Variants in ANGPT1 observed in about 807,000 individuals in gnomAD.
The protein encoded by ANGPT1 is angiopoietin-1.
A neutral mutation model predicts 62.2 loss-of-function variants in ANGPT1; 17 were observed. The observed-to-expected ratio is 0.27, with a 90% CI of 0.19 to 0.41. The LOEUF is 0.41. ANGPT1 is among the 10% of genes least tolerant of loss of function. ANGPT1 has a pLI of 1.00. For synonymous variants in ANGPT1, 199 were observed against 198.9 expected (o/e 1.00, Z 0.00); for missense variants, 478 against 594.9 (o/e 0.80, Z 2.04).
chr8:107,373,967 G>C (rs1353874590), intron 1 of ANGPT1, among the ~76,000 whole-genome samples: 1 of 152,168 alleles, frequency 6.6e-6, no homozygotes, highest in East Asian at 1.9e-4. Flanking sequence ...TTTCTCCAGT[G>C]AAAGTCAGCT....
chr8:107,483,418 C>T (rs1563643529), intron 1 of ANGPT1, among the ~76,000 whole-genome samples: 1 of 152,008 alleles, frequency 6.6e-6, no homozygotes, highest in Non-Finnish European at 1.5e-5. Flanking sequence ...TTATTTGAAC[C>T]AAGGTCTCCT....
rs1312783177 is a variant in ANGPT1, at chr8:107,251,360, T to C, written c.*495A>G. 1 of 153,674 alleles carries C rather than the reference T, an allele frequency of 6.5e-6. No homozygotes were observed. The highest frequency in any genetic ancestry group is 2.4e-5 in the African/African-American group (1 of 41,466). The allele number at this position is 153,674 out of a possible 1,614,324, so 9.5% of individuals were successfully genotyped here. ...AGGACAATGCTGTTCTAAATTTTTATCAAAATTGTGCAACAGTATAATTTG... is the reference window on the plus strand; with the variant it reads ...AGGACAATGCTGTTCTAAATTTTTACCAAAATTGTGCAACAGTATAATTTG... On this transcript the variant is annotated 3_prime_UTR_variant, in exon 9 of 9. Transcript: ENST00000517746.
chr8:107,418,822 C>T (rs898838413), intron 1 of ANGPT1, among the ~76,000 whole-genome samples: 1 of 152,184 alleles, frequency 6.6e-6, no homozygotes, highest in African/African-American at 2.4e-5. Context: ...GCTCTTCCTT[C>T]AACTTCCCAG....
intron 1 of ANGPT1, among the ~76,000 whole-genome samples, chr8:107,423,786 A>C (rs960446771): frequency 8.4e-5 from 12 of 142,820 alleles, no homozygotes; most frequent in Non-Finnish European, 1.8e-4. Flanking sequence ...TAGTTGTTAG[A>C]GTTAGAGGAA....
At chr8:107,346,609 C>T (rs1475568121) in intron 2 of ANGPT1, among the ~76,000 whole-genome samples, 1 of 152,144 alleles carries the variant, frequency 6.6e-6, no homozygotes, top group Non-Finnish European at 1.5e-5. Context: ...CAAAAATGCA[C>T]AACAAAGACA....
chr8:107,496,760 C>T (rs955536292), intron 1 of ANGPT1, among the ~76,000 whole-genome samples: 1 of 151,918 alleles, frequency 6.6e-6, no homozygotes, highest in East Asian at 1.9e-4. Context: ...TTTCTCCAAC[C>T]AAATATCATA....
At chr8:107,355,489 A>T (rs965455076) in intron 1 of ANGPT1, among the ~76,000 whole-genome samples, 2 of 152,120 alleles carry the variant, frequency 1.3e-5, no homozygotes, top group African/African-American at 4.8e-5. Flanking sequence ...ATGTCACAAC[A>T]CTGTATTCGT....
chr8:107,268,871 T>C (rs1368001405), intron 7 of ANGPT1, among the ~76,000 whole-genome samples: 1 of 152,000 alleles, frequency 6.6e-6, no homozygotes, highest in Non-Finnish European at 1.5e-5. Context: ...GACTGATATA[T>C]TGAGGAATAA....
chr8:107,399,790 C>T (rs532623755), intron 1 of ANGPT1, among the ~76,000 whole-genome samples: 22 of 152,080 alleles, frequency 1.4e-4, no homozygotes, highest in Non-Finnish European at 2.2e-4. Flanking sequence ...CAGTCACACC[C>T]GCAAACACCA....
At chr8:107,255,306 G>A (rs886240507) in intron 8 of ANGPT1, among the ~76,000 whole-genome samples, 1 of 152,166 alleles carries the variant, frequency 6.6e-6, no homozygotes, top group Non-Finnish European at 1.5e-5. Context: ...CTGTACTCTG[G>A]AAGACCAGGG....
intron 7 of ANGPT1, among the ~76,000 whole-genome samples, chr8:107,267,285 T>C (rs1201771332): frequency 6.6e-6 from 1 of 152,140 alleles, no homozygotes; most frequent in Non-Finnish European, 1.5e-5. Context: ...CATTTTTTTC[T>C]CTAAAATCAT....
At chr8:107,366,435 C>T (rs886204110) in intron 1 of ANGPT1, among the ~76,000 whole-genome samples, 1 of 152,130 alleles carries the variant, frequency 6.6e-6, no homozygotes, top group Non-Finnish European at 1.5e-5. Context: ...ACAAAAGTAT[C>T]TCTGTACAAT....
intron 1 of ANGPT1, among the ~76,000 whole-genome samples, chr8:107,379,306 G>C (rs559768881): frequency 6.6e-6 from 1 of 152,148 alleles, no homozygotes; most frequent in South Asian, 2.1e-4. Flanking sequence ...ACTAGCTGAA[G>C]GCCTTCTAGG....
chr8:107,392,452 T>G (rs1354448684), intron 1 of ANGPT1, among the ~76,000 whole-genome samples: 1 of 152,182 alleles, frequency 6.6e-6, no homozygotes, highest in Non-Finnish European at 1.5e-5. Flanking sequence ...AAGGATGAGC[T>G]CCTGCTTATT....
At chr8:107,424,461 CT>C (rs1449575308) in intron 1 of ANGPT1, among the ~76,000 whole-genome samples, 1 of 152,168 alleles carries the variant, frequency 6.6e-6, no homozygotes, top group Non-Finnish European at 1.5e-5. Flanking sequence ...GATAACTCCA[CT>C]GTTCCGAGAA....
At chr8:107,279,813 G>A (rs920585288) in intron 7 of ANGPT1, among the ~76,000 whole-genome samples, 1 of 151,950 alleles carries the variant, frequency 6.6e-6, no homozygotes, top group African/African-American at 2.4e-5. Flanking sequence ...ATAGTTAACA[G>A]TCACTCATTA....
chr8:107,311,411 T>C (rs1207380027), intron 4 of ANGPT1, among the ~76,000 whole-genome samples: 2 of 152,156 alleles, frequency 1.3e-5, no homozygotes, highest in African/African-American at 2.4e-5. Context: ...CAGGTAATTT[T>C]TCATCACATT....
intron 8 of ANGPT1, among the ~76,000 whole-genome samples, chr8:107,263,662 T>A (rs949501861): frequency 3.9e-5 from 6 of 152,166 alleles, no homozygotes; most frequent in Non-Finnish European, 5.9e-5. Flanking sequence ...AAGGATTAAC[T>A]TTCTTACTCT....
chr8:107,454,168 G>C (rs1811854441), intron 1 of ANGPT1, among the ~76,000 whole-genome samples: 1 of 151,998 alleles, frequency 6.6e-6, no homozygotes, highest in Non-Finnish European at 1.5e-5. Flanking sequence ...AAATGGTTCA[G>C]AAAAGAACTA....
Sources: allele counts gnomAD v4.1 joint callset (sites outside exome capture counted in the v4.1 genomes callset), GRCh38; gene constraint gnomAD v4.1.1; transcripts MANE v1.5; gene names NCBI Gene and HGNC (gene_info 2026-07-23, HGNC 2026-07-21).